FAHD1: variants seen among roughly 807,000 people sequenced by gnomAD.
The protein encoded by FAHD1 is oxaloacetate tautomerase FAHD1, mitochondrial.
A neutral mutation model predicts 12.7 loss-of-function variants in FAHD1; 14 were observed. The ratio of observed to expected loss-of-function variants is 1.10; its 90% CI spans 0.73 to 1.72. The LOEUF (loss-of-function observed/expected upper bound fraction) is 1.72. FAHD1 is among the 40% of genes most tolerant of loss of function. The pLI, the probability that FAHD1 is intolerant of heterozygous loss-of-function variation, is 0.00. For missense variants in FAHD1, 351 were observed against 298.9 expected, an observed-to-expected ratio of 1.17 and a Z score of -1.29; for synonymous variants, 153 against 124.9, an observed-to-expected ratio of 1.22 and a Z score of -1.50.
At chr16:1,827,444 T>C in exon 1 of FAHD1, 1 of 1,610,652 alleles carries the variant, frequency 6.2e-7, no homozygotes, top group Non-Finnish European at 8.5e-7. Flanking sequence ...CACCACGAGC[T>C]GGAGCTGGGC....
chr16:1,829,740 A>G (rs990257199), downstream of FAHD1, among the ~76,000 whole-genome samples: 1 of 152,142 alleles, frequency 6.6e-6, no homozygotes, highest in African/African-American at 2.4e-5. Flanking sequence ...AAACACCAAA[A>G]ATTTCATCTA....
chr16:1,838,082 G>A lies in FAHD1; in HGVS notation c.694G>A (p.Glu232Lys), dbSNP rs556504006. Residue 232 changes from glutamate (E) to lysine (K), a missense_variant, in exon 2 of 3, where the codon GAA (glutamate) becomes AAA (lysine). Glu to Lys is a moderately conservative substitution (Grantham distance 56, BLOSUM62 1). Coordinates refer to the FAHD1 transcript ENST00000382666. ...TGCTATCACAGCTCACTGCAGCCTCGAACTCCCGGGGTCAAGCAATCCTCC... is the reference window on the plus strand; with the variant it reads ...TGCTATCACAGCTCACTGCAGCCTCAAACTCCCGGGGTCAAGCAATCCTCC... The A allele has an allele frequency of 9.2e-4, 788 of 855,758 alleles. 2 individuals are homozygous for A. The highest frequency in any genetic ancestry group is 2.9e-3 in the Middle Eastern group (13 of 4,454). The allele number at this position is 855,758 out of a possible 1,614,324, so 53.0% of individuals were successfully genotyped here.
downstream of FAHD1, among the ~76,000 whole-genome samples, chr16:1,831,064 A>G (rs1898614014): frequency 1.3e-5 from 2 of 152,216 alleles, no homozygotes; most frequent in African/African-American, 4.8e-5. Context: ...CACGCTTAAG[A>G]AAATAATTCC....
chr16:1,833,160 C>G (rs981614103), downstream of FAHD1, among the ~76,000 whole-genome samples: 3 of 152,324 alleles, frequency 2.0e-5, no homozygotes, highest in Non-Finnish European at 2.9e-5. Flanking sequence ...GCAAGTGACT[C>G]TCAATGGTGT....
chr16:1,830,500 A>T (rs1898600224), downstream of FAHD1, among the ~76,000 whole-genome samples: 1 of 152,244 alleles, frequency 6.6e-6, no homozygotes, highest in Non-Finnish European at 1.5e-5. Flanking sequence ...AAGTAGAAGC[A>T]GTGCTCACAT....
exon 1 of FAHD1, chr16:1,828,819 T>G (rs1288464046): frequency 1.0e-6 from 1 of 997,788 alleles, no homozygotes; most frequent in East Asian, 1.1e-4. Flanking sequence ...ATTTCACCTG[T>G]TTACTTAGGG....
At chr16:1,830,944 A>ACACCCACC (rs57025691), downstream of FAHD1, among the ~76,000 whole-genome samples, 8 of 147,308 alleles carry the variant, frequency 5.4e-5, no homozygotes, top group African/African-American at 1.8e-4. Flanking sequence ...ACACACACAC[A>ACACCCACC]CCCATATTTT....
chr16:1,830,110 G>A (rs1409787205), downstream of FAHD1, among the ~76,000 whole-genome samples: 5 of 152,170 alleles, frequency 3.3e-5, no homozygotes, highest in African/African-American at 1.2e-4. Flanking sequence ...TGATCCACCC[G>A]CCTGGGCGTC....
chr16:1,839,112 G>T, intron 2 of FAHD1: 1 of 959,138 alleles, frequency 1.0e-6, no homozygotes, highest in Non-Finnish European at 1.5e-6. Context: ...AGCAATGTGT[G>T]TTTAAAGCAA....
chr16:1,827,279 G>A, exon 1 of FAHD1: 1 of 1,612,922 alleles, frequency 6.2e-7, no homozygotes, highest in Non-Finnish European at 8.5e-7. Context: ...TGGGAGTGGG[G>A]AAAGAACATC....
intron 1 of FAHD1, chr16:1,834,222 T>TA (rs1567270399): frequency 1.7e-6 from 2 of 1,162,926 alleles, no homozygotes; most frequent in Non-Finnish European, 2.6e-6. Context: ...TTAAAACTCT[T>TA]ATACTTTTCC....
downstream of FAHD1, among the ~76,000 whole-genome samples, chr16:1,832,786 C>T (rs1319118468): frequency 6.6e-6 from 1 of 152,040 alleles, no homozygotes; most frequent in East Asian, 1.9e-4. Context: ...CTTCCCTGTC[C>T]ACCCTCCCCA....
chr16:1,827,608 G>A, exon 1 of FAHD1: 1 of 1,613,880 alleles, frequency 6.2e-7, no homozygotes, highest in Non-Finnish European at 8.5e-7. Flanking sequence ...GAGCTTCACG[G>A]CGTCCTGCCC....
In FAHD1 at chr16:1,834,280, G is replaced by C. The variant is rs200701039; in HGVS notation, c.628-3736G>C. On this transcript the variant is annotated intron_variant, in intron 1 of 2. Coordinates refer to the FAHD1 transcript ENST00000382666. ...TTTAAACATGTTTTTGTCCAGACAA[G>C]TTTCTGCTTGCCTCAGTAGGATCTG... 64 of 1,609,388 alleles carry C rather than the reference G, an allele frequency of 4.0e-5. 1 individual carries two copies. The highest frequency in any genetic ancestry group is 2.0e-5 in the Non-Finnish European group (23 of 1,176,178).
At chr16:1,834,343 C>G (rs1898681569) in intron 1 of FAHD1, 1 of 1,610,166 alleles carries the variant, frequency 6.2e-7, no homozygotes. Flanking sequence ...TCAATCCACT[C>G]CTTGCTCTGT....
At chr16:1,830,639 C>T (rs902980347), downstream of FAHD1, among the ~76,000 whole-genome samples, 1 of 152,144 alleles carries the variant, frequency 6.6e-6, no homozygotes, top group Admixed American at 6.6e-5. Flanking sequence ...ACACAAAGTC[C>T]TTAGATGCAA....
downstream of FAHD1, among the ~76,000 whole-genome samples, chr16:1,833,550 G>T (rs1236297999): frequency 7.0e-6 from 1 of 141,948 alleles, no homozygotes; most frequent in African/African-American, 2.6e-5. Context: ...AGTCTTTAGA[G>T]GTACTTTTTT....
At chr16:1,829,949 T>A (rs1898592700), downstream of FAHD1, among the ~76,000 whole-genome samples, 1 of 151,930 alleles carries the variant, frequency 6.6e-6, no homozygotes, top group African/African-American at 2.4e-5. Flanking sequence ...CTGCAACCTC[T>A]GCCTCCCAGG....
downstream of FAHD1, among the ~76,000 whole-genome samples, chr16:1,832,178 CTT>C (rs57889123): frequency 2.8e-5 from 3 of 108,838 alleles, no homozygotes; most frequent in Non-Finnish European, 3.5e-5. Flanking sequence ...TATGGTCATT[CTT>C]TTTTTTTTTT....
Sources: allele counts gnomAD v4.1 joint callset (sites outside exome capture counted in the v4.1 genomes callset), GRCh38; gene constraint gnomAD v4.1.1; transcripts MANE v1.5; gene names NCBI Gene and HGNC (gene_info 2026-07-23, HGNC 2026-07-21).